ECE1: variants seen among roughly 807,000 people sequenced by gnomAD.
ECE1 encodes the protein endothelin-converting enzyme 1.
A neutral mutation model predicts 98.6 loss-of-function variants in ECE1; 35 were observed. The observed-to-expected ratio is 0.35, with a 90% CI of 0.27 to 0.47. The LOEUF is 0.47. Among genes scored for constraint, ECE1 ranks in the 20% least tolerant of loss-of-function variants. The pLI is 1.00. For synonymous variants in ECE1, 394 were observed against 407.1 expected (o/e 0.97, Z 0.39); for missense variants, 814 against 1,025.3 (o/e 0.79, Z 2.81).
Position 21,220,740 on chromosome 1 carries a change from G to T in ECE1, c.2137-609C>A, listed in dbSNP as rs977152553. ...GAACCCGGGAGGTTGAGGTTGCAGT[G>T]AGCCAAGATCACACCATTGCACTCC... On this transcript the variant is annotated intron_variant, in intron 18 of 18. Transcript: ENST00000374893. The surrounding 1 kb of genome is among the most constrained non-coding windows in gnomAD (Gnocchi z 5.0). Among the ~76,000 whole-genome samples the T allele has an allele frequency of 1.3e-5, 2 of 152,150 alleles. No homozygotes were observed.
chr1:21,331,599 G>GA (rs202005429), intron 1 of ECE1, among the ~76,000 whole-genome samples: 13 of 144,026 alleles, frequency 9.0e-5, no homozygotes, highest in East Asian at 2.0e-4. Flanking sequence ...CTAAAAAAAA[G>GA]AAAAAAAAAA....
In ECE1 at chr1:21,298,485, G is replaced by A. The variant is rs1295158189; in HGVS notation, c.4-8329C>T. The A allele has an allele frequency of 1.9e-5, 6 of 322,486 alleles. No individual in the cohort carries two copies. The East Asian group carries it at 4.5e-4, about 24-fold the overall frequency. The allele number at this position is 322,486 out of a possible 1,614,324, so 20.0% of individuals were successfully genotyped here. A position where few individuals can be genotyped will look rare whatever the true frequency, so the allele number is the denominator to read the frequency against. ...TCACATCTTTCCACGGACGTGAATG[G>A]AGATGATCATGGTGCCGACCCCAAA... is the stretch of plus-strand genomic sequence containing the variant. On this transcript the variant is annotated intron_variant, in intron 1 of 18. Coordinates refer to the ECE1 transcript ENST00000415912.
chr1:21,331,475 G>A (rs561061793), intron 1 of ECE1, among the ~76,000 whole-genome samples: 3 of 152,128 alleles, frequency 2.0e-5, no homozygotes, highest in South Asian at 2.1e-4. Flanking sequence ...TCAGTTACTC[G>A]AGAGGCTGAG....
At position 21,319,259 on chromosome 1, in the gene ECE1, C is replaced by A. The variant is rs1319589506; in HGVS notation, c.3+26117G>T. Among the ~76,000 whole-genome samples the A allele has an allele frequency of 6.6e-6, 1 of 152,172 alleles. No individual in the cohort carries two copies. The highest frequency in any genetic ancestry group is 2.4e-5 in the African/African-American group (1 of 41,438). ...ACTTGGGAGGCTGAGGTGGGACAAT[C>A]GCTTGAACCCGGGAAGTGGAGGTTG... On this transcript the variant is annotated intron_variant, in intron 1 of 18. Transcript: ENST00000415912. The surrounding 1 kb of genome is among the most constrained non-coding windows in gnomAD (Gnocchi z 4.4).
At position 21,290,350 on chromosome 1, in the gene ECE1, C is replaced by A; in HGVS notation, c.51+14G>T. 8.1e-7 allele frequency: 1 copy of A among 1,230,488 alleles called. No homozygotes were observed. Among genetic ancestry groups the A allele is most frequent in the Non-Finnish European group, 1.0e-6 (1 of 989,986 alleles). The allele number at this position is 1,230,488 out of a possible 1,614,324, so 76.2% of individuals were successfully genotyped here. On this transcript the variant is annotated intron_variant, in intron 1 of 18. Transcript: ENST00000374893. The surrounding 1 kb of genome is among the most constrained non-coding windows in gnomAD (Gnocchi z 7.3). ...CGCCTCCCGCCCCCGCCCTCCAGGCCGCGCCCGCCTCACCCCCAGCGCCGA... is the reference window on the plus strand; with the variant it reads ...CGCCTCCCGCCCCCGCCCTCCAGGCAGCGCCCGCCTCACCCCCAGCGCCGA...
Position 21,225,124 on chromosome 1 carries a change from G to A in ECE1, c.2040+126C>T. 1 of 1,307,996 alleles carries A rather than the reference G, an allele frequency of 7.6e-7. No homozygotes were observed. The highest frequency in any genetic ancestry group is 1.3e-5 in the South Asian group (1 of 74,118). 81.0% of individuals were successfully genotyped at this position (1,307,996 alleles called of 1,614,324 possible). ...GGTCCTCGCCACCCCCAATTTCGCA[G>A]AAGAGGAAACGGAAGCTCGCACGGC... On this transcript the variant is annotated intron_variant, in intron 17 of 18. Coordinates refer to ENST00000374893, the MANE Select transcript of ECE1 (RefSeq NM_001397.3). The surrounding 1 kb of genome is among the most constrained non-coding windows in gnomAD (Gnocchi z 5.3).
Position 21,345,278 on chromosome 1 carries a change from C to G in ECE1, c.3+98G>C, listed in dbSNP as rs1282516295. On this transcript the variant is annotated intron_variant, in intron 1 of 18. Coordinates refer to the ECE1 transcript ENST00000415912. This position sits in a 1 kb window ranked among gnomAD's most constrained non-coding sequence, Gnocchi z 5.1. ...CTGCTGCAGCCGGCGCCCAGCCCCC[C>G]GCGAGCCAGGGCGGCCCCGGGTGCC... is the stretch of plus-strand genomic sequence containing the variant. 2.4e-6 allele frequency: 3 copies of G among 1,230,542 alleles called. No homozygotes were observed. The highest frequency in any genetic ancestry group is 8.4e-5 in the Admixed American group (2 of 23,818). 76.2% of individuals were successfully genotyped at this position (1,230,542 alleles called of 1,614,324 possible). A position where few individuals can be genotyped will look rare whatever the true frequency, so the allele number is the denominator to read the frequency against.
upstream of ECE1, among the ~76,000 whole-genome samples, chr1:21,291,586 G>A (rs964852029): frequency 1.3e-5 from 2 of 152,300 alleles, no homozygotes; most frequent in South Asian, 2.1e-4. Context: ...AACACTTTGG[G>A]AGGCCAAGTT....
chr1:21,274,208 A>T (rs1040179941), intron 3 of ECE1, among the ~76,000 whole-genome samples: 1 of 152,168 alleles, frequency 6.6e-6, no homozygotes, highest in Non-Finnish European at 1.5e-5. Context: ...GAGGGCGGAG[A>T]GCTGAGAGCT....
At chr1:21,292,464 A>G (rs768725507), upstream of ECE1, among the ~76,000 whole-genome samples, 2 of 152,074 alleles carry the variant, frequency 1.3e-5, no homozygotes, top group Non-Finnish European at 1.5e-5. Context: ...CAGCTCCTCA[A>G]ATGTCCCAGG....
At chr1:21,275,808 A>C (rs1275368037) in intron 3 of ECE1, among the ~76,000 whole-genome samples, 2 of 151,904 alleles carry the variant, frequency 1.3e-5, no homozygotes, top group South Asian at 2.1e-4. Flanking sequence ...CCCTCATCTA[A>C]GGCCCCCTCT....
chr1:21,299,980 C>T (rs1163452099), intron 1 of ECE1, among the ~76,000 whole-genome samples: 1 of 152,244 alleles, frequency 6.6e-6, no homozygotes, highest in Non-Finnish European at 1.5e-5. Context: ...GCCACTTAGG[C>T]ACTCAATGAG....
rs1573976659 is a variant in ECE1 at position 21,257,719 on chromosome 1, C to T, written c.763-129G>A. 5.2e-6 allele frequency: 5 copies of T among 953,120 alleles called. No homozygotes were observed. In the East Asian group the frequency reaches 1.3e-4, roughly 24 times the overall value. The allele number at this position is 953,120 out of a possible 1,614,324, so 59.0% of individuals were successfully genotyped here. ...AGCTCAGGCCCTTGGAGAAGCAGGACTGCTGGCTACAGTCACTGAGAAGCC... is the reference window on the plus strand; with the variant it reads ...AGCTCAGGCCCTTGGAGAAGCAGGATTGCTGGCTACAGTCACTGAGAAGCC... On this transcript the variant is annotated intron_variant, in intron 6 of 18. Transcript: ENST00000374893.
intron 8 of ECE1, 56 bp from the exon 9 acceptor site, chr1:21,247,419 G>A (rs536463267): frequency 4.3e-6 from 7 of 1,613,260 alleles, no homozygotes; most frequent in Non-Finnish European, 5.9e-6. Flanking sequence ...CACAGCCCAG[G>A]GCTCTAGGAC....
At position 21,340,964 on chromosome 1, in the gene ECE1, C is replaced by T. The variant is rs1198507706; in HGVS notation, c.3+4412G>A. Among the ~76,000 whole-genome samples, 2 of 152,076 alleles carry T rather than the reference C, an allele frequency of 1.3e-5. No homozygotes were observed. Among genetic ancestry groups the T allele is most frequent in the East Asian group, 3.8e-4 (2 of 5,198 alleles). ...CTCCGGGCCACCTCCTAAGCACAGT[C>T]CTCCGTGCCTCCAGATGAACCATCC... On this transcript the variant is annotated intron_variant, in intron 1 of 18. Transcript: ENST00000415912. This position sits in a 1 kb window ranked among gnomAD's most constrained non-coding sequence, Gnocchi z 4.6.
chr1:21,326,451 A>C (rs956256087), intron 1 of ECE1, among the ~76,000 whole-genome samples: 2 of 152,074 alleles, frequency 1.3e-5, no homozygotes, highest in South Asian at 2.1e-4. Flanking sequence ...CCAGGGTCTA[A>C]GGGTGAAGAA....
rs577723509 is a variant in ECE1, at chr1:21,335,787, T to G, written c.3+9589A>C. Among the ~76,000 whole-genome samples, 4 of 152,112 alleles carry G rather than the reference T, an allele frequency of 2.6e-5. No individual in the cohort carries two copies. The South Asian group carries it at 8.3e-4, about 32-fold the overall frequency. On this transcript the variant is annotated intron_variant, in intron 1 of 18. Transcript: ENST00000415912. ...GGCACCAAACACCAGGAGCAAAGGC[T>G]CCCAAATGAGGGAGACCACAGACAC...
chr1:21,334,056 A>G (rs552078408), intron 1 of ECE1, among the ~76,000 whole-genome samples: 1 of 152,334 alleles, frequency 6.6e-6, no homozygotes, highest in South Asian at 2.1e-4. Flanking sequence ...GGACTAAGTG[A>G]CAGAGCTGGG....
rs566114520 is a variant in ECE1, at chr1:21,248,429, C to A, written c.1021-1066G>T. On this transcript the variant is annotated intron_variant, in intron 8 of 18. Transcript: ENST00000374893. Reference sequence around the variant, plus strand: ...CCTCAAGTGACCCGCCTGCCTCAGCCTCCCAAAGTGCTGGGATTATAGGCA... The same window carrying A: ...CCTCAAGTGACCCGCCTGCCTCAGCATCCCAAAGTGCTGGGATTATAGGCA... Among the ~76,000 whole-genome samples the A allele has an allele frequency of 2.1e-3, 322 of 152,278 alleles. 1 individual carries two copies. Among genetic ancestry groups the A allele is most frequent in the South Asian group, 0.011 (51 of 4,828 alleles).
Sources: gnomAD v4.1 joint callset for allele counts (sites outside exome capture counted in the v4.1 genomes callset) on GRCh38, gnomAD v4.1.1 for gene constraint, Gnocchi (gnomAD v3.1) non-coding constraint, MANE v1.5 for transcripts, NCBI Gene and HGNC (gene_info 2026-07-23, HGNC 2026-07-21) for gene names.